The following ZNF729 variants were observed in gnomAD, a reference collection of about 807,000 sequenced individuals.
The protein encoded by ZNF729 is zinc finger protein 729.
A neutral mutation model predicts 12.2 loss-of-function variants in ZNF729; 15 were observed. The observed-to-expected ratio is 1.23, with a 90% confidence interval of 0.82 to 1.89. ZNF729 has a LOEUF of 1.89. Among genes scored for constraint, ZNF729 ranks in the 40% most tolerant of loss-of-function variants. ZNF729 has a pLI of 0.00. For synonymous variants in ZNF729, 492 were observed against 476.3 expected, an observed-to-expected ratio of 1.03 and a Z score of -0.43; for missense variants, 1,540 against 1,456.7, an observed-to-expected ratio of 1.06 and a Z score of -0.93.
Position 22,304,797 on chromosome 19 carries a change from A to T in ZNF729, c.253+14A>T. 1 of 1,611,180 alleles carries T rather than the reference A, an allele frequency of 6.2e-7. No individual in the cohort carries two copies. Among genetic ancestry groups the T allele is most frequent in the Non-Finnish European group, 8.5e-7 (1 of 1,178,610 alleles). On this transcript the variant is annotated intron_variant, in intron 3 of 3. Transcript: ENST00000601693. ...CTAAACCCCCAGGTATGTGAGAGTG[A>T]ATACAACAGACAACACAGATAAGAG...
chr19:22,308,912 A>T (rs867761086), intron 3 of ZNF729, among the ~76,000 whole-genome samples: 1 of 151,506 alleles, frequency 6.6e-6, no homozygotes, highest in Non-Finnish European at 1.5e-5. Context: ...TACAGAGAGA[A>T]CCCTCCCTAA....
intron 1 of ZNF729, among the ~76,000 whole-genome samples, chr19:22,295,038 T>TTGTATG (rs1555783570): frequency 6.9e-6 from 1 of 144,024 alleles, no homozygotes; most frequent in African/African-American, 2.6e-5. Flanking sequence ...TCCTAGATAT[T>TTGTATG]TGTGTGTGTG....
chr19:22,296,912 A>C (rs971152303), intron 1 of ZNF729, among the ~76,000 whole-genome samples: 1 of 147,064 alleles, frequency 6.8e-6, no homozygotes, highest in Non-Finnish European at 1.5e-5. Flanking sequence ...TTTTCTATGT[A>C]TTGAATTGTA....
At chr19:22,308,301 T>C (rs546288356) in intron 3 of ZNF729, among the ~76,000 whole-genome samples, 1 of 152,318 alleles carries the variant, frequency 6.6e-6, no homozygotes, top group East Asian at 1.9e-4. Flanking sequence ...GGTTCCATGA[T>C]TTTGCTATTG....
chr19:22,301,046 A>G (rs200552301), intron 1 of ZNF729, among the ~76,000 whole-genome samples: 1 of 151,750 alleles, frequency 6.6e-6, no homozygotes, highest in Non-Finnish European at 1.5e-5. Context: ...TTGTTTTTTG[A>G]ACTATGTATT....
chr19:22,302,199 CAAG>C (rs891130260), intron 1 of ZNF729, among the ~76,000 whole-genome samples: 2 of 152,430 alleles, frequency 1.3e-5, no homozygotes, highest in Middle Eastern at 3.4e-3. Flanking sequence ...GGGTGAAAAA[CAAG>C]AAGGAGGTCC....
At chr19:22,313,380 AT>A (rs1030678076) in intron 3 of ZNF729, among the ~76,000 whole-genome samples, 1 of 152,174 alleles carries the variant, frequency 6.6e-6, no homozygotes, top group African/African-American at 2.4e-5. Context: ...AGCCTATGCT[AT>A]TTTTGGTAGC....
chr19:22,304,840 A>G, intron 3 of ZNF729, 57 bp downstream of exon 3: 2 of 1,536,230 alleles, frequency 1.3e-6, no homozygotes, highest in South Asian at 2.4e-5. Flanking sequence ...GGTCAAGGAG[A>G]AAGCCAGTTC....
Position 22,314,900 on chromosome 19 carries a change from A to T in ZNF729, c.1483A>T (p.Lys495Ter), listed in dbSNP as rs747687052. The T allele has an allele frequency of 1.2e-6, 2 of 1,613,458 alleles. No homozygotes were observed. The highest frequency in any genetic ancestry group is 1.7e-6 in the Non-Finnish European group (2 of 1,179,888). ...EKPYKCEECGKAFNHFSDLRR... is the reference protein window; with the variant it reads ...EKPYKCEECG ...ACCCTACAAATGTGAAGAATGTGGCAAAGCTTTTAACCATTTCTCAGACCT... is the reference window on the plus strand; with the variant it reads ...ACCCTACAAATGTGAAGAATGTGGCTAAGCTTTTAACCATTTCTCAGACCT... The change falls in exon 4 of 4, where the codon AAA (lysine) becomes TAA (stop). Residue 495 changes from lysine (K) to a stop codon, truncating the protein, a stop_gained. Coordinates refer to ENST00000601693, the MANE Select transcript of ZNF729 (RefSeq NM_001242680.2). LOFTEE classifies it low-confidence loss of function (END_TRUNC).
chr19:22,303,844 G>A lies in ZNF729; in HGVS notation c.117G>A (p.Arg39=), dbSNP rs764732572. 6.4e-7 allele frequency: 1 copy of A among 1,573,742 alleles called. No homozygotes were observed. The highest frequency in any genetic ancestry group is 1.1e-5 in the South Asian group (1 of 90,448). The change falls in exon 2 of 4, where the codon AGG becomes AGA. Residue 39 remains arginine (R), a synonymous_variant. Coordinates refer to ENST00000601693, the MANE Select transcript of ZNF729 (RefSeq NM_001242680.2). ...ACACGGTTCAGCAGAATTTATATAG[G>A]GATGTGATGTTAGAGAACTACAGAA... ...CLDTVQQNLY[R]DVMLENYRNL... is the part of the protein sequence containing the mutation.
rs1248180516 is a variant in ZNF729 at position 22,316,927 on chromosome 19, C to T, written c.3510C>T (p.Asn1170=). The change falls in exon 4 of 4, where the codon AAC becomes AAT. Residue 1170 remains asparagine, a synonymous_variant. Coordinates refer to ENST00000601693, the MANE Select transcript of ZNF729 (RefSeq NM_001242680.2). ...GTGAAGAATGTGGCAAAGCCTTTAA[C>T]CAGTCCTCACACCTTACTAGACACA... ...YKCEECGKAF[N]QSSHLTRHKT... is the part of the protein sequence containing the mutation. The T allele has an allele frequency of 3.1e-6, 5 of 1,612,208 alleles. No individual in the cohort carries two copies. Among genetic ancestry groups the T allele is most frequent in the Non-Finnish European group, 4.2e-6 (5 of 1,179,714 alleles).
chr19:22,316,902 G>C lies in ZNF729; in HGVS notation c.3485G>C (p.Cys1162Ser). 6.2e-7 allele frequency: 1 copy of C among 1,612,996 alleles called. No homozygotes were observed. The highest frequency in any genetic ancestry group is 8.5e-7 in the Non-Finnish European group (1 of 1,179,936). The change falls in exon 4 of 4, where the codon TGT (cysteine) becomes TCT (serine). Residue 1162 changes from cysteine to serine, a missense_variant. Physicochemically the swap from Cys to Ser is moderately radical, Grantham distance 112. Coordinates refer to ENST00000601693, the MANE Select transcript of ZNF729 (RefSeq NM_001242680.2). ...IIHSVEKPYK[C>S]EECGKAFNQS... is the part of the protein sequence containing the mutation. Reference sequence around the variant, plus strand: ...CATTCTGTAGAGAAACCCTACAAATGTGAAGAATGTGGCAAAGCCTTTAAC... The same window carrying C: ...CATTCTGTAGAGAAACCCTACAAATCTGAAGAATGTGGCAAAGCCTTTAAC...
In ZNF729 at chr19:22,315,504, T is replaced by C; in HGVS notation, c.2087T>C (p.Phe696Ser). The change falls in exon 4 of 4, where the codon TTC becomes TCC. Residue 696 changes from phenylalanine to serine, a missense_variant. Transcript: ENST00000601693. Reference sequence around the variant, plus strand: ...GAATGTGGCAAAGCTTTTAGCCATTTCTCAGCCCTTAGAAGACATAAGATA... The same window carrying C: ...GAATGTGGCAAAGCTTTTAGCCATTCCTCAGCCCTTAGAAGACATAAGATA... ...CEECGKAFSH[F>S]SALRRHKIIH... The C allele has an allele frequency of 1.2e-6, 2 of 1,610,978 alleles. No individual in the cohort carries two copies. The highest frequency in any genetic ancestry group is 1.1e-5 in the South Asian group (1 of 90,988).
chr19:22,308,455 C>T (rs1053265714), intron 3 of ZNF729, among the ~76,000 whole-genome samples: 5 of 152,122 alleles, frequency 3.3e-5, no homozygotes, highest in Non-Finnish European at 5.9e-5. Flanking sequence ...CACTGTTCTC[C>T]ATAGAGGTTG....
At position 22,314,330 on chromosome 19, in the gene ZNF729, T is replaced by G; in HGVS notation, c.913T>G (p.Ser305Ala). ...EECGKAFKGSSNFNAHKVIHT... is the reference protein window; with the variant it reads ...EECGKAFKGSANFNAHKVIHT... ...ATGTGGCAAAGCTTTTAAGGGGTCCTCAAATTTTAATGCACATAAGGTAAT... is the reference window on the plus strand; with the variant it reads ...ATGTGGCAAAGCTTTTAAGGGGTCCGCAAATTTTAATGCACATAAGGTAAT... The change falls in exon 4 of 4, where the codon TCA becomes GCA. Residue 305 changes from serine (S) to alanine (A), a missense_variant. Coordinates refer to ENST00000601693, the MANE Select transcript of ZNF729 (RefSeq NM_001242680.2). 2.5e-6 allele frequency: 4 copies of G among 1,610,176 alleles called. No homozygotes were observed. Among genetic ancestry groups the G allele is most frequent in the Non-Finnish European group, 3.4e-6 (4 of 1,179,170 alleles).
Position 22,315,851 on chromosome 19 carries a change from A to C in ZNF729, c.2434A>C (p.Thr812Pro). 2 of 1,611,274 alleles carry C rather than the reference A, an allele frequency of 1.2e-6. No homozygotes were observed. Among genetic ancestry groups the C allele is most frequent in the Non-Finnish European group, 1.7e-6 (2 of 1,179,698 alleles). ...AGCTTTTAAGTGGTCCTCAAAGCTT[A>C]CTGTACATAAGGTAATTCATACTGG... ...GKAFKWSSKLTVHKVIHTGEK... is the reference protein window; with the variant it reads ...GKAFKWSSKLPVHKVIHTGEK... The change falls in exon 4 of 4, where the codon ACT (threonine) becomes CCT (proline). Residue 812 changes from threonine to proline, a missense_variant. By Grantham distance (38) the Thr-to-Pro change is conservative. Transcript: ENST00000601693.
chr19:22,303,916 T>C (rs776598897), intron 2 of ZNF729, 32 bp downstream of exon 2: 23 of 1,537,136 alleles, frequency 1.5e-5, no homozygotes, highest in Non-Finnish European at 1.9e-5. Context: ...CAATTCCTAT[T>C]ATATTCTATA....
In ZNF729 at chr19:22,315,217, C is replaced by T. The variant is rs201461701; in HGVS notation, c.1800C>T (p.Tyr600=). The T allele has an allele frequency of 3.4e-4, 549 of 1,611,882 alleles. No homozygotes were observed. Among genetic ancestry groups the T allele is most frequent in the Non-Finnish European group, 4.2e-4 (493 of 1,179,302 alleles). The change falls in exon 4 of 4, where the codon TAC becomes TAT. Residue 600 remains tyrosine, a synonymous_variant. Transcript: ENST00000601693. ...TAATTCATACTAGGGAGAAATTGTACAAATGTGAAGAATGTGGCAAAGCTT... is the reference window on the plus strand; with the variant it reads ...TAATTCATACTAGGGAGAAATTGTATAAATGTGAAGAATGTGGCAAAGCTT... ...HKVIHTREKL[Y]KCEECGKAFN...
chr19:22,309,415 A>G (rs1211739536), intron 3 of ZNF729, among the ~76,000 whole-genome samples: 2 of 152,192 alleles, frequency 1.3e-5, no homozygotes, highest in African/African-American at 4.8e-5. Context: ...ACTGCACTCT[A>G]GCCTGATCAA....
Sources: allele counts gnomAD v4.1 joint callset (sites outside exome capture counted in the v4.1 genomes callset), GRCh38; gene constraint gnomAD v4.1.1; transcripts MANE v1.5; gene names NCBI Gene and HGNC (gene_info 2026-07-23, HGNC 2026-07-21).